Variants in FAAH2 observed in about 807,000 individuals in gnomAD.
The protein encoded by FAAH2 is fatty acid amide hydrolase 2.
Under a neutral mutation model 36.9 loss-of-function variants are expected in FAAH2, and 60 were observed. The ratio of observed to expected loss-of-function variants is 1.63; its 90% CI spans 1.32 to 2.02. The LOEUF is 2.02. Among genes scored for constraint, FAAH2 ranks in the 30% most tolerant of loss-of-function variants. The pLI, the probability that FAAH2 is intolerant of heterozygous loss-of-function variation, is 0.00. For missense variants in FAAH2, 689 were observed against 397.5 expected (o/e 1.73, Z -6.23); for synonymous variants, 214 against 143.8 (o/e 1.49, Z -3.49).
At chrX:57,382,287 C>G (rs1022136489) in intron 7 of FAAH2, among the ~76,000 whole-genome samples, 2 of 111,292 alleles carry the variant, frequency 1.8e-5, no homozygotes, top group Non-Finnish European at 3.8e-5. Context: ...AGAGCAAACA[C>G]ATTCAAAAGC....
chrX:57,355,279 T>C (rs2054131742), intron 5 of FAAH2, among the ~76,000 whole-genome samples: 1 of 110,977 alleles, frequency 9.0e-6, no homozygotes, highest in South Asian at 3.7e-4. Context: ...TTTAGTAAGA[T>C]AACAGATAAA....
chrX:57,227,342 C>T, the FAAH2 span, among the ~76,000 whole-genome samples: 1 of 111,361 alleles, frequency 9.0e-6, no homozygotes, highest in East Asian at 2.8e-4. Flanking sequence ...ACAGGCTGTT[C>T]CCTTTATGTA....
intron 8 of FAAH2, among the ~76,000 whole-genome samples, chrX:57,444,694 G>A (rs1267205220): frequency 9.0e-6 from 1 of 111,312 alleles, no homozygotes; most frequent in Non-Finnish European, 1.9e-5. Context: ...CTGCAGACTG[G>A]AGCTGTTCCT....
At chrX:57,200,131 A>G in the FAAH2 span, among the ~76,000 whole-genome samples, 1 of 108,640 alleles carries the variant, frequency 9.2e-6, no homozygotes, top group Admixed American at 9.9e-5. Context: ...CCATTTTGCT[A>G]TTTGTTTTCT....
chrX:57,481,875 G>A (rs976409796), intron 10 of FAAH2, among the ~76,000 whole-genome samples: 250 of 112,060 alleles, frequency 2.2e-3, no homozygotes, highest in African/African-American at 7.6e-3. Flanking sequence ...TCCCCCAGAT[G>A]CTCTGTCCCA....
rs149899817 is a variant in FAAH2 at position 57,400,817 on chromosome X, G to T, written c.996+19788G>T. Among the ~76,000 whole-genome samples, 555 of 112,466 alleles carry T rather than the reference G, an allele frequency of 4.9e-3. 14 individuals are homozygous for T. Among genetic ancestry groups the T allele is most frequent in the Non-Finnish European group, 6.3e-3 (335 of 53,288 alleles). On this transcript the variant is annotated intron_variant, in intron 7 of 10. Coordinates refer to ENST00000374900, the MANE Select transcript of FAAH2 (RefSeq NM_174912.4). ...GAAACCTTGTAGCCACAGGTGGCAA[G>T]GAAATTTAAGAACACTTGGGTGGGG...
At chrX:57,185,330 A>G in the FAAH2 span, among the ~76,000 whole-genome samples, 5 of 111,274 alleles carry the variant, frequency 4.5e-5, no homozygotes, top group Non-Finnish European at 9.4e-5. Flanking sequence ...AACTGAGAAC[A>G]TATGATGTTT....
chrX:57,381,162 A>C, intron 7 of FAAH2, 133 bp downstream of exon 7: 3 of 421,797 alleles, frequency 7.1e-6, no homozygotes, highest in Non-Finnish European at 1.2e-5. Flanking sequence ...AGTTATACTA[A>C]GGAATTTTGG....
intron 2 of FAAH2, 52 bp from the exon 3 acceptor site, chrX:57,310,541 T>A (rs2052663477): frequency 2.6e-6 from 3 of 1,148,451 alleles, no homozygotes; most frequent in Non-Finnish European, 2.3e-6. Flanking sequence ...TTTAATAAAG[T>A]TGGTTGGATG....
chrX:57,470,949 A>G (rs1264324773), intron 10 of FAAH2, among the ~76,000 whole-genome samples: 1 of 111,882 alleles, frequency 8.9e-6, no homozygotes. Flanking sequence ...ACACACGCAA[A>G]TCAATAAACG....
chrX:57,487,553 T>C (rs2057497888), intron 10 of FAAH2, among the ~76,000 whole-genome samples: 1 of 111,823 alleles, frequency 8.9e-6, no homozygotes, highest in Admixed American at 9.5e-5. Flanking sequence ...ATTAGGGAAA[T>C]GCATATTAAA....
intron 7 of FAAH2, among the ~76,000 whole-genome samples, chrX:57,425,287 C>A (rs1434530486): frequency 3.6e-5 from 4 of 111,721 alleles, no homozygotes; most frequent in African/African-American, 9.7e-5. Flanking sequence ...AACAAGATTG[C>A]AAAATCTATT....
intron 7 of FAAH2, among the ~76,000 whole-genome samples, chrX:57,414,958 AG>A (rs1221979674): frequency 9.9e-6 from 1 of 100,695 alleles, no homozygotes; most frequent in Non-Finnish European, 2.0e-5. Context: ...TAGTCTTGGG[AG>A]GGTGTACGTG....
intron 7 of FAAH2, among the ~76,000 whole-genome samples, chrX:57,390,099 AAT>A (rs1476413677): frequency 9.0e-6 from 1 of 111,708 alleles, no homozygotes; most frequent in Non-Finnish European, 1.9e-5. Context: ...TCCTATATCA[AAT>A]ATATGTTTTA....
intron 5 of FAAH2, among the ~76,000 whole-genome samples, chrX:57,363,298 C>T (rs918227976): frequency 1.8e-5 from 2 of 111,437 alleles, no homozygotes; most frequent in Admixed American, 1.9e-4. Context: ...CCCTGGTTAG[C>T]TATATTCCTA....
intron 7 of FAAH2, among the ~76,000 whole-genome samples, chrX:57,429,829 A>G (rs745800143): frequency 6.3e-5 from 7 of 111,780 alleles, no homozygotes; most frequent in Non-Finnish European, 1.1e-4. Flanking sequence ...TATATATACA[A>G]TGGATTGTAT....
intron 5 of FAAH2, among the ~76,000 whole-genome samples, chrX:57,360,215 A>G (rs1560514): frequency 0.48 from 52,385 of 109,043 alleles, 11,405 homozygotes; most frequent in Non-Finnish European, 0.66. Flanking sequence ...TCCCATTTTT[A>G]TGTAACTTTC....
At chrX:57,157,772 C>A in the FAAH2 span, among the ~76,000 whole-genome samples, 1 of 111,649 alleles carries the variant, frequency 9.0e-6, no homozygotes, top group Non-Finnish European at 1.9e-5. Flanking sequence ...AGGATAATTG[C>A]TGGAGGATTC....
chrX:57,254,873 G>A, the FAAH2 span, among the ~76,000 whole-genome samples: 1 of 111,002 alleles, frequency 9.0e-6, no homozygotes, highest in South Asian at 3.8e-4. Context: ...AACTAGAGAA[G>A]CAAAAGCAAA....
Sources: gnomAD v4.1 joint callset for allele counts (sites outside exome capture counted in the v4.1 genomes callset) on GRCh38, gnomAD v4.1.1 for gene constraint, MANE v1.5 for transcripts, NCBI Gene and HGNC (gene_info 2026-07-23, HGNC 2026-07-21) for gene names.